The following PRRG1 variants were observed in gnomAD, a reference collection of about 807,000 sequenced individuals.
PRRG1 encodes proline rich and Gla domain 1, also known as transmembrane gamma-carboxyglutamic acid protein 1.
In PRRG1, 5 loss-of-function variants were observed where a neutral mutation model predicts 11.8. The observed-to-expected ratio is 0.42, with a 90% CI of 0.22 to 0.89. The LOEUF (loss-of-function observed/expected upper bound fraction) is 0.89, where lower values mean the gene tolerates loss of function less well. Among genes scored for constraint, PRRG1 ranks in the 40% least tolerant of loss-of-function variants. PRRG1 has a pLI of 0.28. For missense variants in PRRG1, 155 were observed against 166.1 expected (o/e 0.93, Z 0.37); for synonymous variants, 66 against 60.4 (o/e 1.09, Z -0.43).
At chrX:37,371,613 C>T (rs949917388) in intron 1 of PRRG1, among the ~76,000 whole-genome samples, 2 of 112,749 alleles carry the variant, frequency 1.8e-5, no homozygotes, top group Middle Eastern at 9.2e-3. Flanking sequence ...TGAGGCGTTG[C>T]GGTTCCTGGC....
intron 1 of PRRG1, among the ~76,000 whole-genome samples, chrX:37,357,617 A>G (rs965955991): frequency 8.9e-6 from 1 of 112,079 alleles, no homozygotes; most frequent in Non-Finnish European, 1.9e-5. Flanking sequence ...TGCCCAAGAC[A>G]TGAATCATCC....
At chrX:37,376,551 G>GCATATATATA (rs1556372317) in intron 1 of PRRG1, among the ~76,000 whole-genome samples, 1 of 26,911 alleles carries the variant, frequency 3.7e-5, no homozygotes, top group African/African-American at 7.7e-5. Context: ...AAATGTGAGT[G>GCATATATATA]TATATATATA....
At chrX:37,398,541 C>G (rs1187885438) in intron 1 of PRRG1, among the ~76,000 whole-genome samples, 13 of 111,713 alleles carry the variant, frequency 1.2e-4, no homozygotes, top group Admixed American at 8.5e-4. Flanking sequence ...AAAAACAGAG[C>G]AGAAAAACTG....
chrX:37,420,927 A>T (rs947863571), intron 2 of PRRG1, among the ~76,000 whole-genome samples: 5 of 110,841 alleles, frequency 4.5e-5, no homozygotes, highest in African/African-American at 1.6e-4. Context: ...CCACAAACTC[A>T]CACACCCACC....
At chrX:37,387,230 G>C (rs185616441) in intron 1 of PRRG1, among the ~76,000 whole-genome samples, 1 of 112,167 alleles carries the variant, frequency 8.9e-6, no homozygotes, top group African/African-American at 3.2e-5. Context: ...CACTTTGATG[G>C]TAATGATTAC....
At chrX:37,371,997 A>G (rs1426696414) in intron 1 of PRRG1, among the ~76,000 whole-genome samples, 4 of 113,186 alleles carry the variant, frequency 3.5e-5, no homozygotes, top group South Asian at 3.6e-4. Flanking sequence ...GAATCCTGTG[A>G]CAGAACTGCT....
At chrX:37,398,086 A>T (rs1041896111) in intron 1 of PRRG1, among the ~76,000 whole-genome samples, 7 of 110,030 alleles carry the variant, frequency 6.4e-5, no homozygotes, top group African/African-American at 1.3e-4. Context: ...TAACCTCTGC[A>T]GACTTAAATG....
In PRRG1 at chrX:37,420,425, A is replaced by C. The variant is rs1347759496; in HGVS notation, c.11-5415A>C. On this transcript the variant is annotated intron_variant, in intron 2 of 3. Coordinates refer to ENST00000378628, the MANE Select transcript of PRRG1 (RefSeq NM_001142395.2). The stretch of plus-strand genomic sequence containing the variant: ...CTAGAGGAGAGGCCCTGACTCTTGA[A>C]TTGAAGAAGAGCTATGGAATGCTAG... 5.4e-5 allele frequency among the ~76,000 whole-genome samples: 6 copies of C among 111,442 alleles called. No individual in the cohort carries two copies. In the East Asian group the frequency reaches 1.7e-3, roughly 31 times the overall value.
intron 1 of PRRG1, among the ~76,000 whole-genome samples, chrX:37,401,641 T>C (rs183774964): frequency 4.5e-5 from 5 of 110,580 alleles, no homozygotes; most frequent in South Asian, 4.0e-4. Context: ...CCAGTGCAAT[T>C]AGGCAGGAGA....
chrX:37,375,539 T>G (rs1556371869), intron 1 of PRRG1, among the ~76,000 whole-genome samples: 1 of 111,822 alleles, frequency 8.9e-6, no homozygotes, highest in Admixed American at 9.5e-5. Flanking sequence ...GCGTTTATAT[T>G]GTATGAGGTA....
At chrX:37,387,564 A>G (rs1395604300) in intron 1 of PRRG1, among the ~76,000 whole-genome samples, 2 of 111,141 alleles carry the variant, frequency 1.8e-5, no homozygotes, top group East Asian at 2.8e-4. Context: ...GAGGTGCTAC[A>G]CAGTTTTAAA....
intron 2 of PRRG1, among the ~76,000 whole-genome samples, chrX:37,418,023 A>G (rs1337113658): frequency 8.9e-6 from 1 of 112,035 alleles, no homozygotes; most frequent in Non-Finnish European, 1.9e-5. Context: ...AGAACTCTTT[A>G]TGGTTACAAC....
At chrX:37,389,564 A>G (rs1439226020) in intron 1 of PRRG1, among the ~76,000 whole-genome samples, 1 of 110,741 alleles carries the variant, frequency 9.0e-6, no homozygotes, top group Non-Finnish European at 1.9e-5. Context: ...AGGAATAGGT[A>G]GAGGGGAGAG....
intron 3 of PRRG1, chrX:37,441,343 A>C (rs1556393695): frequency 2.7e-6 from 2 of 754,631 alleles, no homozygotes; most frequent in African/African-American, 4.6e-5. Context: ...TGGGTTGCAC[A>C]TGGAACATAG....
At chrX:37,453,001 G>A in intron 3 of PRRG1, 135 bp from the exon 4 acceptor site, 1 of 638,927 alleles carries the variant, frequency 1.6e-6, no homozygotes. Context: ...ATATAGACTT[G>A]TAGGTCCTTT....
intron 1 of PRRG1, among the ~76,000 whole-genome samples, chrX:37,391,249 C>T (rs1556376579): frequency 9.0e-6 from 1 of 111,370 alleles, no homozygotes; most frequent in East Asian, 2.8e-4. Flanking sequence ...TCTTGCTTTT[C>T]CCGAGTACCT....
intron 1 of PRRG1, among the ~76,000 whole-genome samples, chrX:37,395,386 G>A (rs968489855): frequency 1.3e-4 from 14 of 111,457 alleles, no homozygotes; most frequent in African/African-American, 1.3e-4. Flanking sequence ...CGGCCAAGGC[G>A]GGCGAATCAC....
intron 2 of PRRG1, among the ~76,000 whole-genome samples, chrX:37,423,232 C>CT (rs782314748): frequency 3.7e-5 from 4 of 109,298 alleles, no homozygotes; most frequent in Admixed American, 2.9e-4. Flanking sequence ...CAAAAATTAA[C>CT]TTTTTTTAAC....
intron 1 of PRRG1, among the ~76,000 whole-genome samples, chrX:37,370,231 T>C (rs1247685112): frequency 2.7e-5 from 3 of 112,384 alleles, no homozygotes; most frequent in South Asian, 3.7e-4. Flanking sequence ...TCTTTATCCA[T>C]GTATCTGTTG....
Sources: allele counts gnomAD v4.1 joint callset (sites outside exome capture counted in the v4.1 genomes callset), GRCh38; gene constraint gnomAD v4.1.1; transcripts MANE v1.5; gene names NCBI Gene and HGNC (gene_info 2026-07-23, HGNC 2026-07-21).